R3HDM1: variants seen among roughly 807,000 people sequenced by gnomAD.
R3HDM1 encodes the protein R3H domain containing 1, also known as R3H domain-containing protein 1.
R3HDM1 carries 46 observed loss-of-function variants against 141.1 expected under a neutral mutation model. That is an observed-to-expected ratio of 0.33 (90% CI 0.26 to 0.42). R3HDM1 has a LOEUF of 0.42. Ranked by LOEUF, R3HDM1 falls within the 10% of genes least tolerant of loss-of-function variation. The probability of loss-of-function intolerance (pLI) is 1.00; values close to 1 mark genes in which losing one functional copy is unlikely to be tolerated. For synonymous variants in R3HDM1, 435 were observed against 472.9 expected, an observed-to-expected ratio of 0.92 and a Z score of 1.04; for missense variants, 1,184 against 1,368.3, an observed-to-expected ratio of 0.87 and a Z score of 2.12.
intron 3 of R3HDM1, among the ~76,000 whole-genome samples, chr2:135,615,815 T>C (rs1277243988): frequency 2.0e-5 from 3 of 152,222 alleles, no homozygotes; most frequent in Non-Finnish European, 4.4e-5. Flanking sequence ...TATAATATGT[T>C]GTAAAATAAT....
At chr2:135,621,445 A>G in intron 5 of R3HDM1, 49 bp from the exon 6 acceptor site, 1 of 1,162,220 alleles carries the variant, frequency 8.6e-7, no homozygotes, top group Non-Finnish European at 1.2e-6. Context: ...GTGGTATTAA[A>G]TGAATTGTAT....
chr2:135,606,364 T>C (rs1213174352), intron 3 of R3HDM1: 1 of 152,166 alleles, frequency 6.6e-6, no homozygotes, highest in Non-Finnish European at 1.5e-5. Context: ...AGCTATCTTC[T>C]TTTGATGACA....
In R3HDM1 at chr2:135,607,902, T is replaced by A. The variant is rs2060212101; in HGVS notation, c.171+2886T>A. On this transcript the variant is annotated intron_variant, in intron 3 of 26. Transcript: ENST00000683871. ...AACATGGGTATGGTCTTTGACCTCTTGTTTCCTATAGCATAGCGACTGTAA... is the reference window on the plus strand; with the variant it reads ...AACATGGGTATGGTCTTTGACCTCTAGTTTCCTATAGCATAGCGACTGTAA... 3.1e-6 allele frequency: 3 copies of A among 982,550 alleles called. No homozygotes were observed. In the African/African-American group the frequency reaches 5.2e-5, roughly 17 times the overall value. 60.9% of individuals were successfully genotyped at this position (982,550 alleles called of 1,614,324 possible).
intron 1 of R3HDM1, among the ~76,000 whole-genome samples, chr2:135,553,857 A>C (rs1344912631): frequency 6.6e-6 from 1 of 152,048 alleles, no homozygotes; most frequent in Non-Finnish European, 1.5e-5. Context: ...CACCCGGCTA[A>C]TTTTGTATTT....
intron 21 of R3HDM1, among the ~76,000 whole-genome samples, chr2:135,682,478 C>T (rs1352801289): frequency 6.6e-6 from 1 of 152,120 alleles, no homozygotes; most frequent in South Asian, 2.1e-4. Flanking sequence ...TATGTTCCTG[C>T]CCCTATAGTG....
At chr2:135,630,727 G>A (rs917588537) in intron 7 of R3HDM1, among the ~76,000 whole-genome samples, 3 of 151,994 alleles carry the variant, frequency 2.0e-5, no homozygotes, top group Non-Finnish European at 4.4e-5. Flanking sequence ...TCTTGGCCTC[G>A]TTTTCTTGAT....
intron 21 of R3HDM1, among the ~76,000 whole-genome samples, chr2:135,702,410 C>T (rs1386919472): frequency 6.6e-6 from 1 of 151,970 alleles, no homozygotes; most frequent in Non-Finnish European, 1.5e-5. Flanking sequence ...CCTGTAATCC[C>T]AGCACTTTGG....
intron 18 of R3HDM1, among the ~76,000 whole-genome samples, chr2:135,658,868 A>G (rs1038657587): frequency 5.3e-5 from 8 of 152,024 alleles, no homozygotes; most frequent in African/African-American, 1.9e-4. Flanking sequence ...CATGCATATT[A>G]GCCTAGGCCT....
At chr2:135,678,164 C>T (rs1215557120) in intron 20 of R3HDM1, among the ~76,000 whole-genome samples, 1 of 151,864 alleles carries the variant, frequency 6.6e-6, no homozygotes, top group African/African-American at 2.4e-5. Context: ...GGTGTTTCAC[C>T]ATGTTGGCCA....
intron 24 of R3HDM1, chr2:135,721,649 G>A (rs958352720): frequency 2.9e-5 from 8 of 273,536 alleles, no homozygotes; most frequent in East Asian, 1.5e-4. Context: ...ATATAGTGGC[G>A]CCATCTCAGC....
intron 4 of R3HDM1, 136 bp downstream of exon 4, chr2:135,616,329 T>C: frequency 1.1e-6 from 1 of 906,198 alleles, no homozygotes; most frequent in Non-Finnish European, 1.6e-6. Context: ...TTTTGTTTTA[T>C]TTGGGATTTT....
At chr2:135,709,951 T>C in intron 22 of R3HDM1, 108 bp from the exon 23 acceptor site, 2 of 1,193,120 alleles carry the variant, frequency 1.7e-6, no homozygotes, top group Non-Finnish European at 2.3e-6. Flanking sequence ...TAGTTAATAG[T>C]AAAATTTTAT....
At chr2:135,699,032 TAGATAGA>T (rs2073778808) in intron 21 of R3HDM1, among the ~76,000 whole-genome samples, 48 of 95,506 alleles carry the variant, frequency 5.0e-4, no homozygotes, top group African/African-American at 1.7e-3. Flanking sequence ...GATAGATAGA[TAGATAGA>T]TAGATAAGAT....
intron 24 of R3HDM1, among the ~76,000 whole-genome samples, chr2:135,719,102 T>G (rs1277388129): frequency 6.6e-6 from 1 of 151,032 alleles, no homozygotes; most frequent in Non-Finnish European, 1.5e-5. Context: ...GAGCCAAGAT[T>G]GTGCCACTGC....
intron 17 of R3HDM1, chr2:135,650,901 TG>T (rs1183815889): frequency 6.1e-6 from 6 of 985,318 alleles, no homozygotes; most frequent in African/African-American, 3.5e-5. Flanking sequence ...TTTAACAAAA[TG>T]TGGTATATTT....
chr2:135,677,386 T>C (rs1198025812), intron 20 of R3HDM1, among the ~76,000 whole-genome samples: 1 of 152,154 alleles, frequency 6.6e-6, no homozygotes, highest in Non-Finnish European at 1.5e-5. Context: ...TGTTTCCCCA[T>C]AGTTAAGCAT....
chr2:135,705,879 C>T (rs2074835659), intron 21 of R3HDM1, among the ~76,000 whole-genome samples: 2 of 152,112 alleles, frequency 1.3e-5, no homozygotes, highest in Admixed American at 6.5e-5. Context: ...CCTGCAATCC[C>T]AGCACTTTGG....
At chr2:135,677,560 A>G (rs1432673826) in intron 20 of R3HDM1, among the ~76,000 whole-genome samples, 2 of 150,470 alleles carry the variant, frequency 1.3e-5, no homozygotes, top group Admixed American at 6.6e-5. Flanking sequence ...CCTAATTAGT[A>G]TAGTTTTTTT....
At chr2:135,667,330 TGCTGAAAGA>T in intron 19 of R3HDM1, 1 of 711,070 alleles carries the variant, frequency 1.4e-6, no homozygotes, top group African/African-American at 1.9e-5. Context: ...CCTCTGAAAG[TGCTGAAAGA>T]AATGGGATAA....
Sources: allele counts gnomAD v4.1 joint callset (sites outside exome capture counted in the v4.1 genomes callset), GRCh38; gene constraint gnomAD v4.1.1; transcripts MANE v1.5; gene names NCBI Gene and HGNC (gene_info 2026-07-23, HGNC 2026-07-21).